AP3B1: variants seen among roughly 807,000 people sequenced by gnomAD.
AP3B1 encodes adaptor related protein complex 3 subunit beta 1, also known as AP-3 complex subunit beta-1.
Under a neutral mutation model 132.5 loss-of-function variants are expected in AP3B1, and 61 were observed. The ratio of observed to expected loss-of-function variants is 0.46; its 90% CI spans 0.37 to 0.57. AP3B1 has a LOEUF of 0.57. AP3B1 is among the 20% of genes least tolerant of loss of function. AP3B1 has a pLI of 0.00. For missense variants in AP3B1, 1,120 were observed against 1,289.4 expected (o/e 0.87, Z 2.01); for synonymous variants, 388 against 438.3 (o/e 0.89, Z 1.43).
chr5:78,121,936 A>G (rs546525933), intron 17 of AP3B1: 240 of 152,480 alleles, frequency 1.6e-3, no homozygotes, highest in African/African-American at 5.6e-3. Context: ...ACATTGATGC[A>G]AAAATACTCA....
At chr5:78,208,757 A>G (rs575413957) in intron 7 of AP3B1, among the ~76,000 whole-genome samples, 9 of 152,282 alleles carry the variant, frequency 5.9e-5, no homozygotes, top group African/African-American at 1.7e-4. Context: ...TAATATTCCA[A>G]TGGAGAACTT....
In AP3B1 at chr5:78,285,121, C is replaced by T. The variant is rs542279989; in HGVS notation, c.128+9331G>A. 1.9e-3 allele frequency among the ~76,000 whole-genome samples: 276 copies of T among 147,580 alleles called. 1 individual carries two copies. Among genetic ancestry groups the T allele is most frequent in the Admixed American group, 8.4e-3 (125 of 14,822 alleles). On this transcript the variant is annotated intron_variant, in intron 1 of 26. Coordinates refer to ENST00000255194, the MANE Select transcript of AP3B1 (RefSeq NM_003664.5). ...AAAATTAGCTGGGCGTGGTGGAGGG[C>T]GCCTGTAGTCCCAGCTACTCGGGAG...
chr5:78,178,274 T>C (rs1194259469), intron 8 of AP3B1, among the ~76,000 whole-genome samples: 1 of 152,196 alleles, frequency 6.6e-6, no homozygotes, highest in African/African-American at 2.4e-5. Context: ...TAAAATAATC[T>C]TGTTTTTAAA....
chr5:78,076,446 A>G (rs1749771655), intron 22 of AP3B1, among the ~76,000 whole-genome samples: 1 of 152,188 alleles, frequency 6.6e-6, no homozygotes, highest in Non-Finnish European at 1.5e-5. Flanking sequence ...AAACCCTTGG[A>G]ATTTCCCCAG....
At chr5:78,030,844 C>A (rs570570899) in intron 24 of AP3B1, among the ~76,000 whole-genome samples, 2 of 152,100 alleles carry the variant, frequency 1.3e-5, no homozygotes, top group East Asian at 1.9e-4. Context: ...ACCTGGCTAA[C>A]CCTTTTTGAT....
At position 78,192,620 on chromosome 5, in the gene AP3B1, C is replaced by T. The variant is rs572382478; in HGVS notation, c.787-10958G>A. 3.9e-5 allele frequency among the ~76,000 whole-genome samples: 6 copies of T among 152,116 alleles called. No homozygotes were observed. In the East Asian group the frequency reaches 1.2e-3, roughly 29 times the overall value. ...TTGCGCCACTGCACTCCAGCCTGGG[C>T]GGCAGAGCAAGACACTATCTCCAAA... On this transcript the variant is annotated intron_variant, in intron 7 of 26. Transcript: ENST00000255194.
intron 22 of AP3B1, among the ~76,000 whole-genome samples, chr5:78,058,242 C>T (rs995463410): frequency 1.3e-5 from 2 of 152,176 alleles, no homozygotes; most frequent in African/African-American, 4.8e-5. Context: ...TGGCTCACGC[C>T]TGTAATCCCA....
At chr5:78,125,239 C>G (rs910291036) in intron 17 of AP3B1, among the ~76,000 whole-genome samples, 1 of 152,048 alleles carries the variant, frequency 6.6e-6, no homozygotes, top group Non-Finnish European at 1.5e-5. Flanking sequence ...TCAAAACTTA[C>G]TGGGATCATA....
intron 6 of AP3B1, among the ~76,000 whole-genome samples, chr5:78,216,834 T>C (rs568168677): frequency 1.3e-5 from 2 of 152,138 alleles, no homozygotes; most frequent in East Asian, 3.8e-4. Context: ...TGGGCTCTTA[T>C]CACTTTCATA....
At chr5:78,195,326 T>C (rs1745039280) in intron 7 of AP3B1, among the ~76,000 whole-genome samples, 1 of 152,150 alleles carries the variant, frequency 6.6e-6, no homozygotes, top group Admixed American at 6.5e-5. Flanking sequence ...TGTTTAAAGT[T>C]TCCCATAATC....
chr5:78,098,683 T>C (rs1370528159), intron 21 of AP3B1, among the ~76,000 whole-genome samples: 1 of 152,250 alleles, frequency 6.6e-6, no homozygotes, highest in African/African-American at 2.4e-5. Flanking sequence ...TGAACAATGC[T>C]GCAATGAAAT....
At chr5:78,039,412 G>T in intron 22 of AP3B1, 138 bp from the exon 23 acceptor site, 2 of 708,484 alleles carry the variant, frequency 2.8e-6, no homozygotes, top group Non-Finnish European at 4.9e-6. Flanking sequence ...ACATTAGTAG[G>T]ATATCACACA....
chr5:78,140,183 C>CA (rs35365334), intron 15 of AP3B1, among the ~76,000 whole-genome samples: 1 of 152,010 alleles, frequency 6.6e-6, no homozygotes, highest in Non-Finnish European at 1.5e-5. Flanking sequence ...AACAGCTGCT[C>CA]AAAAAGTCAA....
At chr5:78,123,651 C>A (rs1442854098) in intron 17 of AP3B1, among the ~76,000 whole-genome samples, 1 of 152,026 alleles carries the variant, frequency 6.6e-6, no homozygotes, top group East Asian at 1.9e-4. Flanking sequence ...CAATGAGATA[C>A]CATCTCACAC....
intron 7 of AP3B1, among the ~76,000 whole-genome samples, chr5:78,198,837 T>C (rs762266384): frequency 1.3e-5 from 2 of 152,210 alleles, no homozygotes; most frequent in Non-Finnish European, 2.9e-5. Context: ...AATACATTAT[T>C]AGAGATAATT....
intron 3 of AP3B1, among the ~76,000 whole-genome samples, chr5:78,231,344 T>G (rs751957832): frequency 1.3e-5 from 2 of 151,926 alleles, no homozygotes; most frequent in African/African-American, 4.8e-5. Flanking sequence ...CAGCTAACTT[T>G]TGTATTCTTA....
chr5:78,265,151 A>T (rs1580565004), intron 2 of AP3B1, among the ~76,000 whole-genome samples: 1 of 152,206 alleles, frequency 6.6e-6, no homozygotes, highest in East Asian at 1.9e-4. Flanking sequence ...TTGAAAATTA[A>T]CTTGGCCAGG....
Position 78,254,952 on chromosome 5 carries a change from G to A in AP3B1, c.204+12568C>T, listed in dbSNP as rs192033859. Among the ~76,000 whole-genome samples, 167 of 152,144 alleles carry A rather than the reference G, an allele frequency of 1.1e-3. 1 individual carries two copies. Among genetic ancestry groups the A allele is most frequent in the African/African-American group, 3.0e-3 (126 of 41,526 alleles). ...ACAAAAGGTTAAAAAGTGAGGAGAC[G>A]AAGTTAAAGCACGGAGTTTTTATTA... On this transcript the variant is annotated intron_variant, in intron 2 of 26. Transcript: ENST00000255194.
chr5:78,135,766 T>C (rs894169932), intron 15 of AP3B1, among the ~76,000 whole-genome samples: 4 of 151,966 alleles, frequency 2.6e-5, no homozygotes, highest in African/African-American at 9.7e-5. Flanking sequence ...GCATCTTTTA[T>C]TCATTAACTT....
Sources: gnomAD v4.1 joint callset for allele counts (sites outside exome capture counted in the v4.1 genomes callset) on GRCh38, gnomAD v4.1.1 for gene constraint, MANE v1.5 for transcripts, NCBI Gene and HGNC (gene_info 2026-07-23, HGNC 2026-07-21) for gene names.